CHD3: variants seen among roughly 807,000 people sequenced by gnomAD.
CHD3 encodes the protein ATP-dependent chromatin remodeler CHD3.
In CHD3, 52 loss-of-function variants were observed where a neutral mutation model predicts 248.9. The ratio of observed to expected loss-of-function variants is 0.21; its 90% CI spans 0.17 to 0.26. CHD3 has a LOEUF of 0.26. Ranked by LOEUF, CHD3 falls within the 10% of genes least tolerant of loss-of-function variation. CHD3 has a pLI of 1.00. For synonymous variants in CHD3, 985 were observed against 985.2 expected (o/e 1.00, Z 0.00); for missense variants, 1,482 against 2,605.8 (o/e 0.57, Z 9.39).
rs1411525253 is a variant in CHD3, at chr17:7,894,476, G to T, written c.1137G>T (p.Gln379His). 6.2e-7 allele frequency: 1 copy of T among 1,614,006 alleles called. No individual in the cohort carries two copies. The highest frequency in any genetic ancestry group is 1.3e-5 in the African/African-American group (1 of 74,896). Residue 379 changes from glutamine to histidine, a missense_variant, in exon 8 of 40, where the codon CAG becomes CAT. Around this residue, in one of 20 missense-constraint regions of CHD3, gnomAD observed 138 missense variants for 241.1 expected, o/e 0.57. Coordinates refer to ENST00000330494, the MANE Select transcript of CHD3 (RefSeq NM_001005273.3). ...EEVDGYETDH[Q>H]DYCEVCQQGG... ...TTGATGGCTACGAGACGGATCACCA[G>T]GATTACTGTGAGGTGTGCCAGCAGG...
chr17:7,911,466 G>A lies in CHD3; in HGVS notation c.5884G>A (p.Ala1962Thr), dbSNP rs368758448. Residue 1962 changes from alanine to threonine, a missense_variant and splice_region_variant, in exon 40 of 40, where the codon GCC (alanine) becomes ACC (threonine). By Grantham distance (58) the Ala-to-Thr change is moderately conservative (BLOSUM62 0). Around this residue, in one of 20 missense-constraint regions of CHD3, gnomAD observed 117 missense variants for 137.2 expected, o/e 0.85. Coordinates refer to ENST00000330494, the MANE Select transcript of CHD3 (RefSeq NM_001005273.3). This position sits in a 1 kb window ranked among gnomAD's most constrained non-coding sequence, Gnocchi z 5.4. ...QMPAGSFITAATNGPPVLVKK... is the reference protein window; with the variant it reads ...QMPAGSFITATTNGPPVLVKK... ...TTCCTTACCCCTTTCCCAAACAGCCGCCACCAACGGCCCTCCAGTGCTTGT... is the reference window on the plus strand; with the variant it reads ...TTCCTTACCCCTTTCCCAAACAGCCACCACCAACGGCCCTCCAGTGCTTGT... 92 of 1,614,040 alleles carry A rather than the reference G, an allele frequency of 5.7e-5. No homozygotes were observed. The highest frequency in any genetic ancestry group is 3.8e-4 in the South Asian group (35 of 91,082).
At position 7,909,303 on chromosome 17, in the gene CHD3, C is replaced by T. The variant is rs958179836; in HGVS notation, c.5555C>T (p.Ala1852Val). 6 of 1,561,080 alleles carry T rather than the reference C, an allele frequency of 3.8e-6. No individual in the cohort carries two copies. Among genetic ancestry groups the T allele is most frequent in the East Asian group, 2.4e-5 (1 of 41,600 alleles). Residue 1852 changes from alanine to valine, a missense_variant, in exon 37 of 40, where the codon GCG becomes GTG. Transcript: ENST00000330494. The surrounding 1 kb of genome is among the most constrained non-coding windows in gnomAD (Gnocchi z 8.1). ...SHQHLSKESL[A>V]GNKPANAVLH... Reference sequence around the variant, plus strand: ...CAGCACCTCTCCAAGGAGTCGCTGGCGGGGAACAAGCCGGCCAACGCCGTC... The same window carrying T: ...CAGCACCTCTCCAAGGAGTCGCTGGTGGGGAACAAGCCGGCCAACGCCGTC...
Position 7,908,866 on chromosome 17 carries a change from G to T in CHD3, c.5394+37G>T. 15 of 1,613,614 alleles carry T rather than the reference G, an allele frequency of 9.3e-6. No homozygotes were observed. The highest frequency in any genetic ancestry group is 1.3e-5 in the Non-Finnish European group (15 of 1,179,714). On this transcript the variant is annotated intron_variant, in intron 36 of 39. Transcript: ENST00000330494. The surrounding 1 kb of genome is among the most constrained non-coding windows in gnomAD (Gnocchi z 5.8). ...GGAGGAAAGGAGCGGGTTATAGACG[G>T]GCTTGGGTCAGAAGTGAGACCAGAT...
At chr17:7,888,731 CGCGCGT>C (rs1759369084), upstream of CHD3, 4 of 1,038,076 alleles carry the variant, frequency 3.9e-6, no homozygotes, top group South Asian at 8.3e-5. Flanking sequence ...GGTGTGGGTG[CGCGCGT>C]GCGCGCGCGT....
chr17:7,887,820 C>T (rs1464972552), upstream of CHD3, among the ~76,000 whole-genome samples: 1 of 152,228 alleles, frequency 6.6e-6, no homozygotes, highest in Non-Finnish European at 1.5e-5. Context: ...TCCAGGCCAG[C>T]ATTGAGTGGC....
chr17:7,889,638 G>A lies in CHD3; in HGVS notation c.101-26G>A. 1 of 1,594,540 alleles carries A rather than the reference G, an allele frequency of 6.3e-7. No individual in the cohort carries two copies. The highest frequency in any genetic ancestry group is 1.3e-5 in the African/African-American group (1 of 74,374). On this transcript the variant is annotated intron_variant, in intron 1 of 39. Coordinates refer to ENST00000330494, the MANE Select transcript of CHD3 (RefSeq NM_001005273.3). The surrounding 1 kb of genome is among the most constrained non-coding windows in gnomAD (Gnocchi z 4.5). ...AGAGGCTGGAAACCTAGAGGCTTAG[G>A]TTTTCTGATGCTTTTTGCTTCAAAG...
At position 7,889,586 on chromosome 17, in the gene CHD3, T is replaced by G. The variant is rs1597915232; in HGVS notation, c.101-78T>G. 1 of 1,219,660 alleles carries G rather than the reference T, an allele frequency of 8.2e-7. No individual in the cohort carries two copies. Among genetic ancestry groups the G allele is most frequent in the Admixed American group, 2.1e-5 (1 of 47,262 alleles). The allele number at this position is 1,219,660 out of a possible 1,614,324, so 75.6% of individuals were successfully genotyped here. On this transcript the variant is annotated intron_variant, in intron 1 of 39. Transcript: ENST00000330494. This position sits in a 1 kb window ranked among gnomAD's most constrained non-coding sequence, Gnocchi z 4.5. The stretch of plus-strand genomic sequence containing the variant: ...TCCTAGAGAGTGGGAACTGCCGAGG[T>G]GGGGAAGGGGCAAGTTGAGGGGCCT...
At chr17:7,902,776 C>T in intron 21 of CHD3, 49 bp downstream of exon 21, 1 of 1,595,190 alleles carries the variant, frequency 6.3e-7, no homozygotes, top group Non-Finnish European at 8.6e-7. Context: ...CCTGAGAAAC[C>T]TGTGATAGGT....
intron 4 of CHD3, 150 bp downstream of exon 4, chr17:7,891,214 T>C: frequency 1.0e-6 from 1 of 957,218 alleles, no homozygotes; most frequent in East Asian, 2.5e-5. Context: ...TTCAGGGAAC[T>C]CCTAGACTCA....
At position 7,909,315 on chromosome 17, in the gene CHD3, C is replaced by T; in HGVS notation, c.5567C>T (p.Pro1856Leu). ...LSKESLAGNK[P>L]ANAVLHKVLN... ...AAGGAGTCGCTGGCGGGGAACAAGC[C>T]GGCCAACGCCGTCCTGCACAAGGGT... Residue 1856 changes from proline to leucine, a missense_variant, in exon 37 of 40, where the codon CCG (proline) becomes CTG (leucine). By Grantham distance (98) the Pro-to-Leu change is moderately conservative. This residue lies in a region of CHD3 where 83 missense variants were observed against 181.0 expected (regional missense o/e 0.46). Transcript: ENST00000330494. This position sits in a 1 kb window ranked among gnomAD's most constrained non-coding sequence, Gnocchi z 8.1. 2.6e-6 allele frequency: 4 copies of T among 1,558,188 alleles called. No individual in the cohort carries two copies. Among genetic ancestry groups the T allele is most frequent in the Non-Finnish European group, 3.5e-6 (4 of 1,152,756 alleles).
Position 7,908,743 on chromosome 17 carries a change from G to A in CHD3, c.5308G>A (p.Ala1770Thr). 6.2e-7 allele frequency: 1 copy of A among 1,614,090 alleles called. No homozygotes were observed. The highest frequency in any genetic ancestry group is 1.1e-5 in the South Asian group (1 of 91,084). Reference sequence around the variant, plus strand: ...GGACATCCAGAATGATGCTCAATTTGCCATTATCAACGAGCCATTTAAAAC... The same window carrying A: ...GGACATCCAGAATGATGCTCAATTTACCATTATCAACGAGCCATTTAAAAC... ...WQDIQNDAQF[A>T]IINEPFKTEA... The change falls in exon 36 of 40, where the codon GCC becomes ACC. Residue 1770 changes from alanine to threonine, a missense_variant. By Grantham distance (58) the Ala-to-Thr change is moderately conservative. Transcript: ENST00000330494. This position sits in a 1 kb window ranked among gnomAD's most constrained non-coding sequence, Gnocchi z 5.8.
intron 10 of CHD3, among the ~76,000 whole-genome samples, chr17:7,896,637 T>TC (rs1488295339): frequency 4.6e-5 from 7 of 151,340 alleles, no homozygotes; most frequent in Admixed American, 4.6e-4. Context: ...ACTCCCAACC[T>TC]CAGGTGATCC....
At chr17:7,887,031 C>T (rs992139438), upstream of CHD3, among the ~76,000 whole-genome samples, 15 of 152,150 alleles carry the variant, frequency 9.9e-5, no homozygotes, top group Non-Finnish European at 1.8e-4. Context: ...CCTTTCAGCC[C>T]TCCAAGTCGA....
rs1360249409 is a variant in CHD3 at position 7,905,009 on chromosome 17, C to G, written c.4073-91C>G. Reference sequence around the variant, plus strand: ...AAGGCCAGAATAAAGGTAGACAAGTCTCGGCAGGGAGGAATCCAGCCAGAA... The same window carrying G: ...AAGGCCAGAATAAAGGTAGACAAGTGTCGGCAGGGAGGAATCCAGCCAGAA... On this transcript the variant is annotated intron_variant, in intron 25 of 39. Coordinates refer to ENST00000330494, the MANE Select transcript of CHD3 (RefSeq NM_001005273.3). This position sits in a 1 kb window ranked among gnomAD's most constrained non-coding sequence, Gnocchi z 5.8. 3.4e-6 allele frequency: 4 copies of G among 1,183,080 alleles called. No individual in the cohort carries two copies. The highest frequency in any genetic ancestry group is 5.1e-6 in the Non-Finnish European group (4 of 790,716). The allele number at this position is 1,183,080 out of a possible 1,614,324, so 73.3% of individuals were successfully genotyped here. A position where few individuals can be genotyped will look rare whatever the true frequency, so the allele number is the denominator to read the frequency against.
rs554859615 is a variant in CHD3 at position 7,911,002 on chromosome 17, A to G, written c.5881+29A>G. On this transcript the variant is annotated intron_variant, in intron 39 of 39. Transcript: ENST00000330494. The surrounding 1 kb of genome is among the most constrained non-coding windows in gnomAD (Gnocchi z 5.4). ...AGCTGGTGTTTTCCTACCCCCTGCTACTCACACTCCTCCTTTGCCAAACTT... is the reference window on the plus strand; with the variant it reads ...AGCTGGTGTTTTCCTACCCCCTGCTGCTCACACTCCTCCTTTGCCAAACTT... 23 of 1,608,106 alleles carry G rather than the reference A, an allele frequency of 1.4e-5. No individual in the cohort carries two copies. In the African/African-American group the frequency reaches 2.9e-4, roughly 21 times the overall value.
At position 7,903,292 on chromosome 17, in the gene CHD3, G is replaced by T; in HGVS notation, c.3516G>T (p.Arg1172=). The change falls in exon 23 of 40, where the codon CGG becomes CGT. Residue 1172 remains arginine, a synonymous_variant. Coordinates refer to ENST00000330494, the MANE Select transcript of CHD3 (RefSeq NM_001005273.3). This position sits in a 1 kb window ranked among gnomAD's most constrained non-coding sequence, Gnocchi z 6.8. ...NDIQAFSRAH[R]IGQANKVMIY... is the part of the protein sequence containing the mutation. ...TGCAGGCCTTTAGCCGGGCTCATCG[G>T]ATTGGCCAGGCCAACAAAGTGATGA... 6.2e-7 allele frequency: 1 copy of T among 1,614,078 alleles called. No individual in the cohort carries two copies. The highest frequency in any genetic ancestry group is 8.5e-7 in the Non-Finnish European group (1 of 1,180,038).
At chr17:7,886,559 G>C (rs923860641), upstream of CHD3, among the ~76,000 whole-genome samples, 4 of 152,172 alleles carry the variant, frequency 2.6e-5, no homozygotes, top group East Asian at 5.8e-4. The surrounding 1 kb of genome is among the most constrained non-coding windows in gnomAD (Gnocchi z 4.2). Flanking sequence ...GTGGGTCGGG[G>C]AGGGATGTGT....
chr17:7,897,913 G>A lies in CHD3; in HGVS notation c.1920-58G>A, dbSNP rs1426145999. 2 of 1,557,210 alleles carry A rather than the reference G, an allele frequency of 1.3e-6. No individual in the cohort carries two copies. Among genetic ancestry groups the A allele is most frequent in the Non-Finnish European group, 1.7e-6 (2 of 1,152,450 alleles). On this transcript the variant is annotated intron_variant, in intron 11 of 39. Coordinates refer to ENST00000330494, the MANE Select transcript of CHD3 (RefSeq NM_001005273.3). The surrounding 1 kb of genome is among the most constrained non-coding windows in gnomAD (Gnocchi z 4.8). ...ATTGCGTTTCTCAGGCCTTCTTTCT[G>A]TTTGTGATCTGTGCAATATTTTCCT...
In CHD3 at chr17:7,899,959, G is replaced by T. The variant is rs1338188591; in HGVS notation, c.2608G>T (p.Ala870Ser). ...TSYELITIDQ[A>S]ALGSIRWACL... ...GTATGAGCTGATCACCATTGATCAGGCAGCACTTGGTTCCATCCGCTGGGC... is the reference window on the plus strand; with the variant it reads ...GTATGAGCTGATCACCATTGATCAGTCAGCACTTGGTTCCATCCGCTGGGC... Residue 870 changes from alanine (A) to serine (S), a missense_variant, in exon 16 of 40, where the codon GCA (alanine) becomes TCA (serine). By Grantham distance (99) the Ala-to-Ser change is moderately conservative. Coordinates refer to ENST00000330494, the MANE Select transcript of CHD3 (RefSeq NM_001005273.3). The surrounding 1 kb of genome is among the most constrained non-coding windows in gnomAD (Gnocchi z 6.8). 1 of 1,613,850 alleles carries T rather than the reference G, an allele frequency of 6.2e-7. No individual in the cohort carries two copies. The highest frequency in any genetic ancestry group is 8.5e-7 in the Non-Finnish European group (1 of 1,179,918).
Sources: allele counts gnomAD v4.1 joint callset (sites outside exome capture counted in the v4.1 genomes callset), GRCh38; gene constraint gnomAD v4.1.1; regional missense constraint gnomAD v4.1.1; non-coding constraint Gnocchi (gnomAD v3.1); transcripts MANE v1.5; gene names NCBI Gene and HGNC (gene_info 2026-07-23, HGNC 2026-07-21).